Variants in MBD5 observed in about 807,000 individuals in gnomAD.
MBD5 encodes the protein methyl-CpG-binding domain protein 5.
MBD5 carries 13 observed loss-of-function variants against 117.3 expected under a neutral mutation model. The observed-to-expected ratio is 0.11, with a 90% confidence interval of 0.07 to 0.18. The LOEUF (loss-of-function observed/expected upper bound fraction) is 0.18. Ranked by LOEUF, MBD5 falls within the 10% of genes least tolerant of loss-of-function variation. MBD5 has a pLI of 1.00. For missense variants in MBD5, 1,879 were observed against 2,093.8 expected, an observed-to-expected ratio of 0.90 and a Z score of 2.00; for synonymous variants, 727 against 766.4, an observed-to-expected ratio of 0.95 and a Z score of 0.85.
At chr2:148,440,089 G>A (rs758769630) in intron 4 of MBD5, among the ~76,000 whole-genome samples, 13 of 152,182 alleles carry the variant, frequency 8.5e-5, no homozygotes, top group Middle Eastern at 3.4e-3. Context: ...TTGATCTTAC[G>A]AATTTTTACT....
chr2:148,060,378 TA>T (rs1214506628), intron 1 of MBD5, among the ~76,000 whole-genome samples: 206 of 145,000 alleles, frequency 1.4e-3, no homozygotes, highest in East Asian at 4.6e-3. Context: ...GTATGTTTTG[TA>T]AAAAAAAAAA....
chr2:148,099,154 A>G (rs570994905), intron 1 of MBD5, among the ~76,000 whole-genome samples: 5 of 152,192 alleles, frequency 3.3e-5, no homozygotes, highest in Non-Finnish European at 7.3e-5. Context: ...AGACAAAGAA[A>G]TAAAAGTTAC....
intron 1 of MBD5, among the ~76,000 whole-genome samples, chr2:148,090,074 T>G (rs1383984144): frequency 1.3e-5 from 2 of 151,680 alleles, no homozygotes; most frequent in African/African-American, 4.8e-5. Context: ...ACGCACAAAA[T>G]AGAAAATCTG....
chr2:148,362,707 AGGGGT>A (rs1220440045), intron 4 of MBD5, among the ~76,000 whole-genome samples: 1 of 152,180 alleles, frequency 6.6e-6, no homozygotes, highest in Non-Finnish European at 1.5e-5. Flanking sequence ...ACTTCCCAGC[AGGGGT>A]CGACAGACAC....
chr2:148,097,505 C>G (rs1250561091), intron 1 of MBD5, among the ~76,000 whole-genome samples: 1 of 152,150 alleles, frequency 6.6e-6, no homozygotes, highest in East Asian at 1.9e-4. Context: ...GTTTTTCATT[C>G]AAATAATATC....
chr2:148,482,979 T>C, intron 8 of MBD5, 131 bp from the exon 9 acceptor site: 1 of 955,478 alleles, frequency 1.0e-6, no homozygotes, highest in Non-Finnish European at 1.6e-6. Context: ...TTACAATTAA[T>C]CTAGTTACAA....
intron 1 of MBD5, among the ~76,000 whole-genome samples, chr2:148,124,930 A>G (rs1357829987): frequency 6.6e-6 from 1 of 151,006 alleles, no homozygotes; most frequent in African/African-American, 2.4e-5. Context: ...AATATAGTAA[A>G]TAAGTATAAG....
chr2:148,280,250 T>C (rs1013666916), intron 3 of MBD5, among the ~76,000 whole-genome samples: 5 of 152,126 alleles, frequency 3.3e-5, no homozygotes, highest in Non-Finnish European at 7.4e-5. Flanking sequence ...GTGTATCCTT[T>C]AGTTAAACAA....
intron 1 of MBD5, among the ~76,000 whole-genome samples, chr2:148,128,782 A>C (rs1409925615): frequency 6.6e-6 from 1 of 152,208 alleles, no homozygotes; most frequent in Non-Finnish European, 1.5e-5. Flanking sequence ...AAATTGCTCT[A>C]TCAGCAAGCA....
At chr2:148,152,867 C>A (rs1697727178) in intron 1 of MBD5, among the ~76,000 whole-genome samples, 1 of 151,876 alleles carries the variant, frequency 6.6e-6, no homozygotes, top group Admixed American at 6.6e-5. Context: ...GAATACAGCA[C>A]ACTGATGGGT....
At chr2:148,136,089 T>G (rs1455850331) in intron 1 of MBD5, among the ~76,000 whole-genome samples, 1 of 152,082 alleles carries the variant, frequency 6.6e-6, no homozygotes, top group African/African-American at 2.4e-5. Flanking sequence ...TGGGGGGTGG[T>G]GGGTGTCAGA....
In MBD5 at chr2:148,308,491, CTTTTTTTTTTTTTTT is replaced by C. The variant is rs60650324; in HGVS notation, c.-679-33710_-679-33696del. Among the ~76,000 whole-genome samples the C allele has an allele frequency of 2.1e-4, 14 of 66,774 alleles. 1 individual carries two copies. The highest frequency in any genetic ancestry group is 4.0e-4 in the Non-Finnish European group (13 of 32,710). The allele number at this position is 66,774 out of a possible 152,430, so 43.8% of individuals were successfully genotyped here. ...CTCCCACTTTTTGATGGGGTTCTTT[CTTTTTTTTTTTTTTT>C]TTTTTTTTTTTTGATGGGGTTAAGT... On this transcript the variant is annotated intron_variant, in intron 3 of 13. Transcript: ENST00000642680.
In MBD5 at chr2:148,510,101, A is replaced by G. The variant is rs1228507607; in HGVS notation, c.5078A>G (p.Glu1693Gly). The change falls in exon 13 of 14, where the codon GAG (glutamate) becomes GGG (glycine). Residue 1693 changes from glutamate to glycine, a missense_variant. Glu to Gly is a moderately conservative substitution (Grantham distance 98). Coordinates refer to ENST00000642680, the MANE Select transcript of MBD5 (RefSeq NM_001378120.1). ...AACCATTTAGAAGCTGCTATTCATG[A>G]GGCCATGAGTGAACTGGACAAAATG... ...LNNHLEAAIH[E>G]AMSELDKMSG... 1 of 1,613,108 alleles carries G rather than the reference A, an allele frequency of 6.2e-7. No individual in the cohort carries two copies. The highest frequency in any genetic ancestry group is 2.2e-5 in the East Asian group (1 of 44,850).
chr2:148,334,372 C>T (rs540162488), intron 3 of MBD5, among the ~76,000 whole-genome samples: 1 of 151,768 alleles, frequency 6.6e-6, no homozygotes, highest in East Asian at 1.9e-4. Context: ...CTCATTCTGT[C>T]ACTGGGCTGT....
chr2:148,165,237 T>C (rs1406028808), intron 1 of MBD5, among the ~76,000 whole-genome samples: 1 of 152,170 alleles, frequency 6.6e-6, no homozygotes, highest in Non-Finnish European at 1.5e-5. Flanking sequence ...AAAAATTATT[T>C]GAATTACAGA....
At chr2:148,197,794 G>GTTTTTTTTTTTTTTTTTTT (rs56029734) in intron 2 of MBD5, among the ~76,000 whole-genome samples, 1 of 102,560 alleles carries the variant, frequency 9.8e-6, no homozygotes, top group African/African-American at 3.4e-5. Context: ...AGCATCTGAG[G>GTTTTTTTTTTTTTTTTTTT]TTTTTTTTTT....
intron 4 of MBD5, among the ~76,000 whole-genome samples, chr2:148,345,731 T>C (rs1192018490): frequency 1.3e-5 from 2 of 150,376 alleles, no homozygotes; most frequent in Non-Finnish European, 3.0e-5. Context: ...GGAAGTTTAT[T>C]AAGCATTAAC....
At chr2:148,121,987 C>T (rs1025944355) in intron 1 of MBD5, among the ~76,000 whole-genome samples, 5 of 152,092 alleles carry the variant, frequency 3.3e-5, no homozygotes, top group South Asian at 2.1e-4. Context: ...AGTCAACTCT[C>T]AGTTTCAACA....
intron 1 of MBD5, among the ~76,000 whole-genome samples, chr2:148,126,171 G>A (rs990090014): frequency 3.3e-5 from 5 of 151,928 alleles, no homozygotes; most frequent in African/African-American, 9.7e-5. Flanking sequence ...CGAGGCAGGC[G>A]GATCACCTGA....
Sources: allele counts gnomAD v4.1 joint callset (sites outside exome capture counted in the v4.1 genomes callset), GRCh38; gene constraint gnomAD v4.1.1; transcripts MANE v1.5; gene names NCBI Gene and HGNC (gene_info 2026-07-23, HGNC 2026-07-21).